BMERB1: variants seen among roughly 807,000 people sequenced by gnomAD.
BMERB1 encodes the protein bMERB domain-containing protein 1.
Under a neutral mutation model 23.6 loss-of-function variants are expected in BMERB1, and 12 were observed. The ratio of observed to expected loss-of-function variants is 0.51; its 90% confidence interval spans 0.33 to 0.82. The LOEUF is 0.82. BMERB1 is among the 40% of genes least tolerant of loss of function. The pLI is 0.03. For missense variants in BMERB1, 247 were observed against 255.4 expected, an observed-to-expected ratio of 0.97 and a Z score of 0.22; for synonymous variants, 122 against 96.6, an observed-to-expected ratio of 1.26 and a Z score of -1.54.
chr16:15,489,225 C>T (rs1470154713), intron 1 of BMERB1, among the ~76,000 whole-genome samples: 3 of 152,052 alleles, frequency 2.0e-5, no homozygotes, highest in South Asian at 2.1e-4. Flanking sequence ...CCAGTTGGTT[C>T]CCCAAAGGAA....
intron 2 of BMERB1, among the ~76,000 whole-genome samples, chr16:15,533,624 T>C (rs2051991777): frequency 6.6e-6 from 1 of 152,168 alleles, no homozygotes; most frequent in African/African-American, 2.4e-5. Context: ...AATCAGAGTC[T>C]TTCTCCTGGG....
At chr16:15,570,531 A>T (rs897130683) in intron 3 of BMERB1, among the ~76,000 whole-genome samples, 4 of 152,086 alleles carry the variant, frequency 2.6e-5, no homozygotes, top group African/African-American at 9.7e-5. Context: ...GGCCATTAGC[A>T]CAACGTACCT....
intron 1 of BMERB1, among the ~76,000 whole-genome samples, chr16:15,495,239 T>TCTGTTGC (rs774883972): frequency 4.5e-4 from 68 of 152,144 alleles, no homozygotes; most frequent in Non-Finnish European, 7.5e-4. Flanking sequence ...GGAGTTTCGC[T>TCTGTTGC]CTGTTGCCTG....
At chr16:15,528,181 C>G (rs2051928004) in intron 2 of BMERB1, among the ~76,000 whole-genome samples, 1 of 151,986 alleles carries the variant, frequency 6.6e-6, no homozygotes, top group Non-Finnish European at 1.5e-5. Flanking sequence ...CTGGGAAGTC[C>G]AAGATGAAGA....
At chr16:15,456,143 A>G (rs2051085781) in intron 1 of BMERB1, among the ~76,000 whole-genome samples, 1 of 152,190 alleles carries the variant, frequency 6.6e-6, no homozygotes, top group Admixed American at 6.6e-5. Context: ...CTTCAGGAAG[A>G]AAATTTCCCA....
intron 2 of BMERB1, among the ~76,000 whole-genome samples, chr16:15,541,358 C>T (rs1189140457): frequency 1.3e-5 from 2 of 151,408 alleles, no homozygotes; most frequent in African/African-American, 4.9e-5. Context: ...TTTTATAATT[C>T]AGTCGCCAGC....
At chr16:15,509,128 C>T (rs942314733) in intron 1 of BMERB1, among the ~76,000 whole-genome samples, 2 of 152,034 alleles carry the variant, frequency 1.3e-5, no homozygotes, top group African/African-American at 2.4e-5. Context: ...TTCTCTTCGT[C>T]CCACGCCTCG....
At chr16:15,491,377 G>A (rs1421948413) in intron 1 of BMERB1, among the ~76,000 whole-genome samples, 2 of 150,454 alleles carry the variant, frequency 1.3e-5, no homozygotes, top group Non-Finnish European at 3.0e-5. Flanking sequence ...TTTTCAGACA[G>A]AGTTTCCCTC....
intron 5 of BMERB1, among the ~76,000 whole-genome samples, chr16:15,583,765 T>C (rs976008228): frequency 1.2e-3 from 189 of 152,222 alleles, no homozygotes; most frequent in African/African-American, 4.3e-3. Context: ...CATGGGCCTG[T>C]AGGCAGTTGC....
chr16:15,485,005 A>T (rs2051355955), intron 1 of BMERB1, among the ~76,000 whole-genome samples: 1 of 152,220 alleles, frequency 6.6e-6, no homozygotes, highest in Non-Finnish European at 1.5e-5. Context: ...TCTCGGGCAG[A>T]TGCTTTCCAT....
At chr16:15,563,517 C>A (rs1038340364) in intron 2 of BMERB1, among the ~76,000 whole-genome samples, 12 of 151,812 alleles carry the variant, frequency 7.9e-5, no homozygotes, top group Non-Finnish European at 1.8e-4. Context: ...CCGTGCCCAG[C>A]CAGAAAAAAA....
At chr16:15,551,601 G>A (rs1057361080) in intron 2 of BMERB1, among the ~76,000 whole-genome samples, 24 of 152,174 alleles carry the variant, frequency 1.6e-4, no homozygotes, top group Non-Finnish European at 3.2e-4. Flanking sequence ...TTGAGTGCAG[G>A]AGTTCAAGAG....
chr16:15,578,197 GTGTGTGTC>G (rs2030919238), intron 3 of BMERB1, among the ~76,000 whole-genome samples: 1 of 150,618 alleles, frequency 6.6e-6, no homozygotes, highest in Non-Finnish European at 1.5e-5. Context: ...ACGTGACCCT[GTGTGTGTC>G]TGTGTGTCTT....
intron 1 of BMERB1, among the ~76,000 whole-genome samples, chr16:15,455,381 A>T (rs957449329): frequency 6.6e-6 from 1 of 151,730 alleles, no homozygotes; most frequent in Non-Finnish European, 1.5e-5. Flanking sequence ...GTTGGGTATG[A>T]CAACTACTAG....
At chr16:15,502,443 C>T in intron 1 of BMERB1, 1 of 1,332,532 alleles carries the variant, frequency 7.5e-7, no homozygotes, top group Non-Finnish European at 1.1e-6. Context: ...ATCGAGCAGC[C>T]AGGAGCTTCT....
At chr16:15,495,946 TTGATGGTGG>T (rs940756657) in intron 1 of BMERB1, among the ~76,000 whole-genome samples, 17 of 147,550 alleles carry the variant, frequency 1.2e-4, no homozygotes, top group South Asian at 2.1e-4. Context: ...TTTTCTTTTG[TTGATGGTGG>T]TGATGGTGGT....
At chr16:15,521,332 C>A (rs1338155597) in intron 2 of BMERB1, among the ~76,000 whole-genome samples, 3 of 152,198 alleles carry the variant, frequency 2.0e-5, no homozygotes, top group African/African-American at 7.2e-5. Flanking sequence ...TGAAGTCAGT[C>A]TGCTGGGAAT....
chr16:15,517,911 A>ATG (rs375060700), intron 2 of BMERB1, among the ~76,000 whole-genome samples: 1 of 114,942 alleles, frequency 8.7e-6, no homozygotes, highest in East Asian at 2.6e-4. Context: ...GTGTGTGTGT[A>ATG]TGTGTGTGTG....
rs866069104 is a variant in BMERB1, at chr16:15,434,872, C to T, written c.106+113C>T. The T allele has an allele frequency of 3.5e-6, 3 of 869,320 alleles. 1 individual carries two copies. The highest frequency in any genetic ancestry group is 3.5e-5 in the South Asian group (2 of 56,508). 53.9% of individuals were successfully genotyped at this position (869,320 alleles called of 1,614,324 possible). ...AGCAGTGGACCCAGGGAAGCGCCCC[C>T]GCAGCGGGGCTGGCAGCTCAGGGGG... On this transcript the variant is annotated intron_variant, in intron 1 of 5. Transcript: ENST00000300006.
Sources: gnomAD v4.1 joint callset for allele counts (sites outside exome capture counted in the v4.1 genomes callset) on GRCh38, gnomAD v4.1.1 for gene constraint, MANE v1.5 for transcripts, NCBI Gene and HGNC (gene_info 2026-07-23, HGNC 2026-07-21) for gene names.